Variants in SNTG1 observed in about 807,000 individuals in gnomAD.
SNTG1 encodes the protein gamma-1-syntrophin.
A neutral mutation model predicts 74.7 loss-of-function variants in SNTG1; 39 were observed. That is an observed-to-expected ratio of 0.52 (90% CI 0.40 to 0.68). The LOEUF (loss-of-function observed/expected upper bound fraction) is 0.68. Ranked by LOEUF, SNTG1 falls within the 30% of genes least tolerant of loss-of-function variation. SNTG1 has a pLI of 0.00. For missense variants in SNTG1, 685 were observed against 609.5 expected, an observed-to-expected ratio of 1.12 and a Z score of -1.30; for synonymous variants, 254 against 217.1, an observed-to-expected ratio of 1.17 and a Z score of -1.49.
chr8:49,946,688 C>T lies in SNTG1; in HGVS notation c.-103+34457C>T, dbSNP rs143947860. 3.2e-4 allele frequency among the ~76,000 whole-genome samples: 49 copies of T among 151,928 alleles called. 2 individuals carry two copies. The highest frequency in any genetic ancestry group is 9.7e-4 in the East Asian group (5 of 5,156). On this transcript the variant is annotated intron_variant, in intron 1 of 18. Transcript: ENST00000642720. ...ATATTTTTTTGTAGTCAAAGTGGGCCGTCTGATGTAATCTGAATCTGGTTA... is the reference window on the plus strand; with the variant it reads ...ATATTTTTTTGTAGTCAAAGTGGGCTGTCTGATGTAATCTGAATCTGGTTA...
intron 2 of SNTG1, among the ~76,000 whole-genome samples, chr8:50,240,583 C>A (rs1276182368): frequency 1.3e-5 from 2 of 152,118 alleles, no homozygotes; most frequent in Non-Finnish European, 2.9e-5. Context: ...CAAGAGAGCT[C>A]TCCTCTACGA....
At chr8:50,267,111 C>G (rs530917252) in intron 2 of SNTG1, among the ~76,000 whole-genome samples, 6 of 152,014 alleles carry the variant, frequency 3.9e-5, no homozygotes, top group African/African-American at 1.4e-4. Flanking sequence ...AAATAGTATA[C>G]AGTGTAATGA....
At chr8:49,946,433 A>G (rs905615847) in intron 1 of SNTG1, among the ~76,000 whole-genome samples, 2 of 152,194 alleles carry the variant, frequency 1.3e-5, no homozygotes, top group African/African-American at 4.8e-5. Context: ...TGGGATATAT[A>G]CACATACCAA....
chr8:50,577,877 G>T (rs962401021), intron 12 of SNTG1, among the ~76,000 whole-genome samples: 1 of 152,146 alleles, frequency 6.6e-6, no homozygotes, highest in African/African-American at 2.4e-5. Flanking sequence ...TCTAGTAAAA[G>T]AAGAATTAAG....
intron 1 of SNTG1, among the ~76,000 whole-genome samples, chr8:49,937,144 G>C (rs571562369): frequency 6.6e-6 from 1 of 151,932 alleles, no homozygotes; most frequent in Non-Finnish European, 1.5e-5. Context: ...GCTAGACTCC[G>C]TCTCAAAACA....
intron 2 of SNTG1, among the ~76,000 whole-genome samples, chr8:50,309,234 T>C (rs572618464): frequency 5.3e-5 from 8 of 152,268 alleles, no homozygotes; most frequent in African/African-American, 1.9e-4. Flanking sequence ...TCGAAATCTG[T>C]GTATCATTTT....
chr8:50,312,277 T>C lies in SNTG1; in HGVS notation c.-27-81935T>C, dbSNP rs572808595. Among the ~76,000 whole-genome samples, 9 of 152,228 alleles carry C rather than the reference T, an allele frequency of 5.9e-5. No individual in the cohort carries two copies. In the East Asian group the frequency reaches 1.5e-3, roughly 26 times the overall value. The stretch of plus-strand genomic sequence containing the variant: ...CTTTTAGTTCCCCCCATCTATCTTT[T>C]CTGGTCAATTCCCCGCTAGTCTTAT... On this transcript the variant is annotated intron_variant, in intron 2 of 18. Coordinates refer to ENST00000642720, the MANE Select transcript of SNTG1 (RefSeq NM_018967.5).
chr8:50,288,019 G>A (rs987010097), intron 2 of SNTG1, among the ~76,000 whole-genome samples: 2 of 151,826 alleles, frequency 1.3e-5, no homozygotes, highest in African/African-American at 4.8e-5. Context: ...TCCAAATATG[G>A]CATTTATATT....
chr8:50,724,039 C>T (rs542136522), intron 17 of SNTG1, among the ~76,000 whole-genome samples: 7 of 151,832 alleles, frequency 4.6e-5, no homozygotes, highest in South Asian at 2.1e-4. Context: ...GAAGAGGGAG[C>T]GAGAGAATAA....
chr8:50,397,712 G>T (rs1207488293), intron 3 of SNTG1, among the ~76,000 whole-genome samples: 2 of 152,176 alleles, frequency 1.3e-5, no homozygotes, highest in Non-Finnish European at 2.9e-5. Flanking sequence ...AGTGAAAGAT[G>T]CCAATAGCCA....
Position 50,101,615 on chromosome 8 carries a change from A to T in SNTG1, c.-102-70946A>T, listed in dbSNP as rs1012788315. 3.9e-4 allele frequency among the ~76,000 whole-genome samples: 59 copies of T among 152,040 alleles called. 1 individual carries two copies. The East Asian group carries it at 7.5e-3, about 19-fold the overall frequency. ...GGTACATGTGCACAATGTGCAGGTT[A>T]GTTACATATGTATACATGTGCCATG... is the stretch of plus-strand genomic sequence containing the variant. On this transcript the variant is annotated intron_variant, in intron 1 of 18. Coordinates refer to ENST00000642720, the MANE Select transcript of SNTG1 (RefSeq NM_018967.5).
In SNTG1 at chr8:50,462,796, C is replaced by CTTTTTTTTTTTT. The variant is rs869119447; in HGVS notation, c.363+12095_363+12106dup. On this transcript the variant is annotated intron_variant, in intron 8 of 18. Coordinates refer to ENST00000642720, the MANE Select transcript of SNTG1 (RefSeq NM_018967.5). ...CTCAGTCGCATCTTCAGGTTCTACT[C>CTTTTTTTTTTTT]TTTTTTTTTTTTTTTTTTTTTTTTT... Among the ~76,000 whole-genome samples, 16 of 57,470 alleles carry CTTTTTTTTTTTT rather than the reference C, an allele frequency of 2.8e-4. 1 individual carries two copies. Among genetic ancestry groups the CTTTTTTTTTTTT allele is most frequent in the African/African-American group, 5.9e-4 (10 of 17,048 alleles). 37.7% of individuals were successfully genotyped at this position (57,470 alleles called of 152,430 possible). A position where few individuals can be genotyped will look rare whatever the true frequency, so the allele number is the denominator to read the frequency against.
At chr8:50,757,692 T>G (rs143737157) in intron 18 of SNTG1, among the ~76,000 whole-genome samples, 5 of 151,936 alleles carry the variant, frequency 3.3e-5, no homozygotes, top group Non-Finnish European at 5.9e-5. Context: ...TTTGATACAG[T>G]TGGATGAATA....
chr8:50,657,157 A>G (rs1307511509), intron 14 of SNTG1, 132 bp downstream of exon 14: 1 of 455,576 alleles, frequency 2.2e-6, no homozygotes, highest in Non-Finnish European at 3.8e-6. Flanking sequence ...AAATCAGTTT[A>G]TCTGATTTAA....
chr8:50,063,860 T>G (rs1820681380), intron 1 of SNTG1, among the ~76,000 whole-genome samples: 1 of 152,216 alleles, frequency 6.6e-6, no homozygotes, highest in African/African-American at 2.4e-5. Context: ...AAAGTTGTTA[T>G]AGATGTCAGT....
chr8:50,478,624 C>T (rs971156666), intron 8 of SNTG1, among the ~76,000 whole-genome samples: 1 of 152,126 alleles, frequency 6.6e-6, no homozygotes, highest in Non-Finnish European at 1.5e-5. Context: ...CTTTCCTTCT[C>T]TTTCTGTGAG....
At chr8:50,335,395 G>A (rs530728592) in intron 2 of SNTG1, among the ~76,000 whole-genome samples, 1 of 152,234 alleles carries the variant, frequency 6.6e-6, no homozygotes, top group East Asian at 1.9e-4. Flanking sequence ...CCTGTTCAAG[G>A]CTCCGGAGAA....
intron 13 of SNTG1, among the ~76,000 whole-genome samples, chr8:50,628,833 T>C (rs1352826576): frequency 6.6e-6 from 1 of 152,200 alleles, no homozygotes; most frequent in East Asian, 1.9e-4. Context: ...CTTTGTTGTG[T>C]TTTCACAAAT....
chr8:49,980,978 G>GT (rs903820084), intron 1 of SNTG1, among the ~76,000 whole-genome samples: 1 of 152,134 alleles, frequency 6.6e-6, no homozygotes, highest in Admixed American at 6.5e-5. Context: ...TCTCTTCTCT[G>GT]TAAGTGCCCT....
Sources: gnomAD v4.1 joint callset for allele counts (sites outside exome capture counted in the v4.1 genomes callset) on GRCh38, gnomAD v4.1.1 for gene constraint, MANE v1.5 for transcripts, NCBI Gene and HGNC (gene_info 2026-07-23, HGNC 2026-07-21) for gene names.